The following TENM3 variants were observed in gnomAD, a reference collection of about 807,000 sequenced individuals.
TENM3 encodes the protein teneurin transmembrane protein 3.
A neutral mutation model predicts 255.1 loss-of-function variants in TENM3; 63 were observed. That is an observed-to-expected ratio of 0.25 (90% CI 0.20 to 0.30). The LOEUF is 0.30. Ranked by LOEUF, TENM3 falls within the 10% of genes least tolerant of loss-of-function variation. TENM3 has a pLI of 1.00. For missense variants in TENM3, 2,929 were observed against 3,461.1 expected (o/e 0.85, Z 3.86); for synonymous variants, 1,306 against 1,322.3 (o/e 0.99, Z 0.27).
the TENM3 span, among the ~76,000 whole-genome samples, chr4:181,791,717 A>G: frequency 6.6e-6 from 1 of 152,308 alleles, no homozygotes; most frequent in East Asian, 1.9e-4. Flanking sequence ...AGTCCTAAAC[A>G]ACTGATGCAG....
At chr4:181,679,482 A>G in the TENM3 span, among the ~76,000 whole-genome samples, 13 of 152,198 alleles carry the variant, frequency 8.5e-5, no homozygotes, top group Non-Finnish European at 7.3e-5. Context: ...ATTCTTATGC[A>G]CATTTCCAAA....
chr4:182,701,530 A>T (rs572373890), intron 12 of TENM3, among the ~76,000 whole-genome samples: 10 of 151,954 alleles, frequency 6.6e-5, no homozygotes, highest in African/African-American at 2.4e-4. Context: ...CCAACTCTTG[A>T]CTTTTAAGAT....
At chr4:182,174,618 G>A (rs1227083677) in intron 1 of TENM3, among the ~76,000 whole-genome samples, 2 of 151,962 alleles carry the variant, frequency 1.3e-5, no homozygotes, top group Admixed American at 1.3e-4. Context: ...CTTGGGGTCA[G>A]ATAGAGCCCC....
At chr4:181,563,711 A>G in the TENM3 span, among the ~76,000 whole-genome samples, 1 of 152,204 alleles carries the variant, frequency 6.6e-6, no homozygotes, top group African/African-American at 2.4e-5. Flanking sequence ...TTCCACTGTC[A>G]TTTAATAACC....
intron 1 of TENM3, chr4:182,145,153 G>A (rs1313918437): frequency 1.3e-5 from 2 of 152,162 alleles, no homozygotes; most frequent in Non-Finnish European, 2.9e-5. Context: ...TTCTGCGGGG[G>A]CGTCTTAACA....
chr4:181,557,257 G>A, the TENM3 span, among the ~76,000 whole-genome samples: 1 of 152,108 alleles, frequency 6.6e-6, no homozygotes, highest in Non-Finnish European at 1.5e-5. Context: ...CAAGAAACAA[G>A]GTCAATGGGT....
the TENM3 span, among the ~76,000 whole-genome samples, chr4:182,119,138 T>C: frequency 1.3e-5 from 2 of 151,940 alleles, no homozygotes; most frequent in African/African-American, 2.4e-5. Context: ...TAGAGATGAG[T>C]ATTTCCCTCC....
chr4:181,792,029 A>C, the TENM3 span, among the ~76,000 whole-genome samples: 2 of 152,240 alleles, frequency 1.3e-5, no homozygotes, highest in Non-Finnish European at 2.9e-5. Flanking sequence ...ATTAGTCTAC[A>C]TGATAAGTGT....
chr4:182,284,869 A>T (rs1760632462), intron 1 of TENM3, among the ~76,000 whole-genome samples: 1 of 152,220 alleles, frequency 6.6e-6, no homozygotes, highest in Non-Finnish European at 1.5e-5. Context: ...TCTATTAAGC[A>T]TCAAAGGAAT....
At chr4:181,866,635 G>A in the TENM3 span, among the ~76,000 whole-genome samples, 4 of 152,108 alleles carry the variant, frequency 2.6e-5, no homozygotes, top group Non-Finnish European at 4.4e-5. Context: ...TAGAATAACC[G>A]AATATCAGGC....
At chr4:181,648,491 A>C in the TENM3 span, among the ~76,000 whole-genome samples, 1 of 152,170 alleles carries the variant, frequency 6.6e-6, no homozygotes, top group African/African-American at 2.4e-5. Flanking sequence ...AACAAAACAG[A>C]ATTAGCTTTT....
At chr4:182,412,442 TA>T (rs1032090276) in intron 3 of TENM3, among the ~76,000 whole-genome samples, 2 of 152,086 alleles carry the variant, frequency 1.3e-5, no homozygotes, top group African/African-American at 4.8e-5. Flanking sequence ...AATTTATAAA[TA>T]AAATTAATGC....
At chr4:182,177,605 T>C (rs1477040280) in intron 1 of TENM3, among the ~76,000 whole-genome samples, 1 of 128,480 alleles carries the variant, frequency 7.8e-6, no homozygotes, top group African/African-American at 2.5e-5. Context: ...GGCATACATA[T>C]ATATATATAT....
chr4:182,611,696 C>A (rs1443743723), intron 4 of TENM3, among the ~76,000 whole-genome samples: 2 of 152,098 alleles, frequency 1.3e-5, no homozygotes, highest in Non-Finnish European at 2.9e-5. Context: ...GGACTATTTC[C>A]AAATGTAAAT....
At chr4:182,488,700 G>A (rs143479420) in intron 3 of TENM3, among the ~76,000 whole-genome samples, 6 of 152,168 alleles carry the variant, frequency 3.9e-5, no homozygotes, top group African/African-American at 1.2e-4. Context: ...TAATGTCATC[G>A]AATACTAAGA....
the TENM3 span, among the ~76,000 whole-genome samples, chr4:181,555,612 A>G: frequency 1.3e-5 from 2 of 152,188 alleles, no homozygotes; most frequent in Non-Finnish European, 2.9e-5. Flanking sequence ...AGTATCCTTA[A>G]TGCCTCAATT....
the TENM3 span, among the ~76,000 whole-genome samples, chr4:181,468,107 G>A: frequency 0.7 from 102,272 of 146,308 alleles, 36,177 homozygotes; most frequent in Non-Finnish European, 0.74. Context: ...ACCAGCCTGG[G>A]CATCACAGGG....
intron 22 of TENM3, among the ~76,000 whole-genome samples, chr4:182,768,959 G>T (rs1157134752): frequency 6.6e-6 from 1 of 152,160 alleles, no homozygotes; most frequent in Non-Finnish European, 1.5e-5. Context: ...GCAATGGGGG[G>T]CATGAAGTTG....
At chr4:181,645,737 C>T in the TENM3 span, among the ~76,000 whole-genome samples, 10 of 152,210 alleles carry the variant, frequency 6.6e-5, no homozygotes, top group East Asian at 5.8e-4. Context: ...TTAAAGCAGC[C>T]GCTGAACTGG....
Sources: allele counts gnomAD v4.1 joint callset (sites outside exome capture counted in the v4.1 genomes callset), GRCh38; gene constraint gnomAD v4.1.1; transcripts MANE v1.5; gene names NCBI Gene and HGNC (gene_info 2026-07-23, HGNC 2026-07-21).